The following SMAD5 variants were observed in gnomAD, a reference collection of about 807,000 sequenced individuals.
The protein encoded by SMAD5 is MAD, mothers against decapentaplegic homolog 5.
In SMAD5, 9 loss-of-function variants were observed where a neutral mutation model predicts 43.1. The observed-to-expected ratio is 0.21, with a 90% CI of 0.13 to 0.36. The LOEUF is 0.36. Among genes scored for constraint, SMAD5 ranks in the 10% least tolerant of loss-of-function variants. The probability of loss-of-function intolerance (pLI) is 1.00; values close to 1 mark genes in which losing one functional copy is unlikely to be tolerated. For synonymous variants in SMAD5, 190 were observed against 192.4 expected (o/e 0.99, Z 0.10); for missense variants, 348 against 574.0 (o/e 0.61, Z 4.02).
At chr5:136,142,871 T>C (rs1753130509) in intron 1 of SMAD5, among the ~76,000 whole-genome samples, 1 of 152,160 alleles carries the variant, frequency 6.6e-6, no homozygotes, top group Non-Finnish European at 1.5e-5. Context: ...GCCCCTGTTC[T>C]TTTTTCCATT....
chr5:136,146,578 A>G (rs1389571519), intron 1 of SMAD5, among the ~76,000 whole-genome samples: 2 of 151,828 alleles, frequency 1.3e-5, no homozygotes, highest in Non-Finnish European at 2.9e-5. Flanking sequence ...TGTATACATA[A>G]TGAGAAATTT....
intron 7 of SMAD5, among the ~76,000 whole-genome samples, chr5:136,176,468 A>G (rs1754424672): frequency 6.7e-6 from 1 of 148,180 alleles, no homozygotes; most frequent in African/African-American, 2.5e-5. Context: ...AAAAAAAAAA[A>G]AAAAAAAAAA....
chr5:136,167,555 A>G (rs949981913), intron 5 of SMAD5, among the ~76,000 whole-genome samples: 1 of 152,106 alleles, frequency 6.6e-6, no homozygotes, highest in Non-Finnish European at 1.5e-5. Flanking sequence ...AGGCAGGCAG[A>G]TCATCTGAGG....
chr5:136,150,397 C>T (rs576099266), intron 2 of SMAD5, among the ~76,000 whole-genome samples: 2 of 151,980 alleles, frequency 1.3e-5, no homozygotes, highest in African/African-American at 4.8e-5. Context: ...GTAGAAAAAT[C>T]AGTGACCATT....
chr5:136,174,016 A>G (rs995287410), intron 6 of SMAD5, among the ~76,000 whole-genome samples: 9 of 151,454 alleles, frequency 5.9e-5, no homozygotes, highest in African/African-American at 2.2e-4. Context: ...TGTTTATGAT[A>G]GTTGATAGCA....
chr5:136,157,684 T>C (rs1209501769), intron 3 of SMAD5, among the ~76,000 whole-genome samples: 2 of 152,176 alleles, frequency 1.3e-5, no homozygotes, highest in South Asian at 4.1e-4. Context: ...CTCATGCTGC[T>C]ACTGATCTGA....
rs1052548667 is a variant in SMAD5, at chr5:136,182,540, T to C, written c.*5060T>C. On this transcript the variant is annotated 3_prime_UTR_variant, in exon 8 of 8. Transcript: ENST00000545279. Reference sequence around the variant, plus strand: ...GTGGCTGCACTGTAGGTCTGCTGCTTATTTGTATTTGTTGTGCTTCTGTTT... The same window carrying C: ...GTGGCTGCACTGTAGGTCTGCTGCTCATTTGTATTTGTTGTGCTTCTGTTT... The C allele has an allele frequency of 6.6e-6, 1 of 152,664 alleles. No individual in the cohort carries two copies. Among genetic ancestry groups the C allele is most frequent in the African/African-American group, 2.4e-5 (1 of 41,464 alleles). 9.5% of individuals were successfully genotyped at this position (152,664 alleles called of 1,614,324 possible). A position where few individuals can be genotyped will look rare whatever the true frequency, so the allele number is the denominator to read the frequency against.
At chr5:136,156,023 C>T (rs1378114096) in intron 3 of SMAD5, among the ~76,000 whole-genome samples, 1 of 152,068 alleles carries the variant, frequency 6.6e-6, no homozygotes, top group East Asian at 1.9e-4. Flanking sequence ...GGTGAGGAGT[C>T]CAGTCACATT....
At chr5:136,174,726 A>G (rs1045465252) in intron 7 of SMAD5, 94 bp downstream of exon 7, 7 of 867,836 alleles carry the variant, frequency 8.1e-6, no homozygotes, top group African/African-American at 5.1e-5. Context: ...ATGAAAGTTG[A>G]TAATTGCTTT....
At chr5:136,159,023 G>A (rs2149771936) in intron 3 of SMAD5, among the ~76,000 whole-genome samples, 1 of 152,326 alleles carries the variant, frequency 6.6e-6, no homozygotes, top group Non-Finnish European at 1.5e-5. Context: ...GGAAATATTA[G>A]TGGAATGTAC....
chr5:136,156,097 G>A (rs532416861), intron 3 of SMAD5, among the ~76,000 whole-genome samples: 2 of 152,312 alleles, frequency 1.3e-5, no homozygotes, highest in Non-Finnish European at 2.9e-5. Flanking sequence ...CTTATCAGAA[G>A]CTCAATTAGG....
chr5:136,149,377 C>T (rs190735069), intron 2 of SMAD5, among the ~76,000 whole-genome samples: 4 of 151,668 alleles, frequency 2.6e-5, no homozygotes, highest in South Asian at 2.1e-4. Flanking sequence ...CTATGTTTAG[C>T]GTTAGTGGAT....
At position 136,154,178 on chromosome 5, in the gene SMAD5, T is replaced by G. The variant is rs1389178842; in HGVS notation, c.403+15T>G. The G allele has an allele frequency of 2.1e-6, 3 of 1,451,352 alleles. No homozygotes were observed. The allele number at this position is 1,451,352 out of a possible 1,614,324, so 89.9% of individuals were successfully genotyped here. ...GGAGAGTCCAGGTAGGTCTTATTCC[T>G]GAGAAGAATTTGGAAAAACAAAAAC... On this transcript the variant is annotated intron_variant, in intron 3 of 7. Transcript: ENST00000545279.
intron 1 of SMAD5, among the ~76,000 whole-genome samples, chr5:136,146,730 G>A (rs529118567): frequency 1.3e-5 from 2 of 151,818 alleles, no homozygotes; most frequent in African/African-American, 2.4e-5. Context: ...AGGACAAAAT[G>A]CATCCATTAT....
chr5:136,166,950 T>TCAA (rs1754037664), intron 5 of SMAD5, among the ~76,000 whole-genome samples: 1 of 152,216 alleles, frequency 6.6e-6, no homozygotes, highest in Admixed American at 6.5e-5. Context: ...CTCACCTTTG[T>TCAA]AGATACCTTT....
chr5:136,164,012 G>A (rs781161442), intron 5 of SMAD5, among the ~76,000 whole-genome samples: 3 of 152,026 alleles, frequency 2.0e-5, no homozygotes, highest in Admixed American at 6.6e-5. Context: ...GTGAAACCCC[G>A]TCTCTACTAA....
At chr5:136,140,619 C>T (rs149890610) in intron 1 of SMAD5, among the ~76,000 whole-genome samples, 242 of 152,158 alleles carry the variant, frequency 1.6e-3, no homozygotes, top group Middle Eastern at 3.4e-3. Context: ...ATTTCCTTAA[C>T]ATTTTAACTC....
chr5:136,176,457 CAAAAAAAAAAAAAAAA>C lies in SMAD5; in HGVS notation c.1255-869_1255-854del, dbSNP rs60311104. Among the ~76,000 whole-genome samples, 230 of 68,520 alleles carry C rather than the reference CAAAAAAAAAAAAAAAA, an allele frequency of 3.4e-3. 2 individuals carry two copies. The highest frequency in any genetic ancestry group is 0.011 in the African/African-American group (220 of 20,632). The allele number at this position is 68,520 out of a possible 152,430, so 45.0% of individuals were successfully genotyped here. A position where few individuals can be genotyped will look rare whatever the true frequency, so the allele number is the denominator to read the frequency against. ...GCAACAAGAGAGAAACTCTGTCTCA[CAAAAAAAAAAAAAAAA>C]AAAAAAAAAAGAAACTCTGACATGT... On this transcript the variant is annotated intron_variant, in intron 7 of 7. Transcript: ENST00000545279.
chr5:136,145,898 A>G (rs1753242272), intron 1 of SMAD5, among the ~76,000 whole-genome samples: 1 of 151,896 alleles, frequency 6.6e-6, no homozygotes, highest in African/African-American at 2.4e-5. Context: ...TGAAAGACAT[A>G]GAAGCTTTTA....
Sources: allele counts gnomAD v4.1 joint callset (sites outside exome capture counted in the v4.1 genomes callset), GRCh38; gene constraint gnomAD v4.1.1; transcripts MANE v1.5; gene names NCBI Gene and HGNC (gene_info 2026-07-23, HGNC 2026-07-21).